The following KCNQ1 variants were observed in gnomAD, a reference collection of about 807,000 sequenced individuals.
The protein encoded by KCNQ1 is potassium voltage-gated channel subfamily Q member 1, also known as potassium voltage-gated channel subfamily KQT member 1.
KCNQ1 carries 49 observed loss-of-function variants against 72.4 expected under a neutral mutation model. The ratio of observed to expected loss-of-function variants is 0.68; its 90% CI spans 0.54 to 0.86. KCNQ1 has a LOEUF of 0.86. Ranked by LOEUF, KCNQ1 falls within the 40% of genes least tolerant of loss-of-function variation. The pLI is 0.00. For missense variants in KCNQ1, 790 were observed against 945.1 expected, an observed-to-expected ratio of 0.84 and a Z score of 2.15; for synonymous variants, 450 against 412.6, an observed-to-expected ratio of 1.09 and a Z score of -1.10.
At position 2,627,070 on chromosome 11, in the gene KCNQ1, C is replaced by T. The variant is rs767127878; in HGVS notation, c.1394-34891C>T. 6 of 398,314 alleles carry T rather than the reference C, an allele frequency of 1.5e-5. No individual in the cohort carries two copies. Among genetic ancestry groups the T allele is most frequent in the Non-Finnish European group, 1.8e-5 (4 of 226,030 alleles). The allele number at this position is 398,314 out of a possible 1,614,324, so 24.7% of individuals were successfully genotyped here. On this transcript the variant is annotated intron_variant, in intron 10 of 15. Coordinates refer to ENST00000155840, the MANE Select transcript of KCNQ1 (RefSeq NM_000218.3). The surrounding 1 kb of genome is among the most constrained non-coding windows in gnomAD (Gnocchi z 4.9). The stretch of plus-strand genomic sequence containing the variant: ...ATCCATGAACATAGGAGGTGTTTTC[C>T]CTTTATGTCTACTTTAATTTCTTTC...
At chr11:2,699,461 G>T in intron 11 of KCNQ1, 2 of 400,166 alleles carry the variant, frequency 5.0e-6, no homozygotes, top group East Asian at 7.4e-5. Context: ...GAGCCGCCGG[G>T]AGAGTGCCGC....
At chr11:2,780,497 G>A (rs1846804442) in intron 15 of KCNQ1, among the ~76,000 whole-genome samples, 1 of 152,174 alleles carries the variant, frequency 6.6e-6, no homozygotes, top group South Asian at 2.1e-4. Flanking sequence ...TTCCCTACCA[G>A]CACCCTCCCC....
intron 3 of KCNQ1, 115 bp from the exon 4 acceptor site, chr11:2,571,210 G>C (rs1848327990): frequency 1.2e-5 from 10 of 851,622 alleles, no homozygotes; most frequent in Non-Finnish European, 2.0e-5. Flanking sequence ...GGTCATCAGG[G>C]CGTGACCCGT....
At chr11:2,838,215 C>A (rs535759718) in intron 15 of KCNQ1, among the ~76,000 whole-genome samples, 1 of 152,250 alleles carries the variant, frequency 6.6e-6, no homozygotes, top group Non-Finnish European at 1.5e-5. Flanking sequence ...ACTGACCTCA[C>A]GTGGCTCACA....
intron 15 of KCNQ1, among the ~76,000 whole-genome samples, chr11:2,796,939 A>G (rs1375288421): frequency 6.6e-6 from 1 of 152,228 alleles, no homozygotes; most frequent in Non-Finnish European, 1.5e-5. Context: ...GTGGAGTGAG[A>G]CTGTGCCTGT....
chr11:2,753,630 C>T (rs769885091), intron 11 of KCNQ1, among the ~76,000 whole-genome samples: 1 of 152,206 alleles, frequency 6.6e-6, no homozygotes, highest in Non-Finnish European at 1.5e-5. Flanking sequence ...TGCAACTTCA[C>T]GACTCTCTAA....
At position 2,830,767 on chromosome 11, in the gene KCNQ1, C is replaced by T. The variant is rs1177676306; in HGVS notation, c.1795-17000C>T. Among the ~76,000 whole-genome samples the T allele has an allele frequency of 6.6e-6, 1 of 152,212 alleles. No homozygotes were observed. Among genetic ancestry groups the T allele is most frequent in the East Asian group, 1.9e-4 (1 of 5,190 alleles). On this transcript the variant is annotated intron_variant, in intron 15 of 15. Coordinates refer to ENST00000155840, the MANE Select transcript of KCNQ1 (RefSeq NM_000218.3). The surrounding 1 kb of genome is among the most constrained non-coding windows in gnomAD (Gnocchi z 7.7). Reference sequence around the variant, plus strand: ...CCCAAGGGCACCCCACGTGTGTGCCCTCCAGCACCCTGGCCACAGAGCCAC... The same window carrying T: ...CCCAAGGGCACCCCACGTGTGTGCCTTCCAGCACCCTGGCCACAGAGCCAC...
At chr11:2,517,885 G>T (rs58672447) in intron 1 of KCNQ1, among the ~76,000 whole-genome samples, 3,714 of 152,316 alleles carry the variant, frequency 0.024, 142 homozygotes, top group African/African-American at 0.085. Context: ...GCGGAACGCT[G>T]CCTCAGTACC....
At position 2,745,037 on chromosome 11, in the gene KCNQ1, C is replaced by A. The variant is rs141486578; in HGVS notation, c.1515-23807C>A. ...AATGGCGGCACCCCAAGACCTGATG[C>A]TCTGGTTTAGAAACGGGTTCTAATG... is the stretch of plus-strand genomic sequence containing the variant. On this transcript the variant is annotated intron_variant, in intron 11 of 15. Coordinates refer to ENST00000155840, the MANE Select transcript of KCNQ1 (RefSeq NM_000218.3). This position sits in a 1 kb window ranked among gnomAD's most constrained non-coding sequence, Gnocchi z 6.2. Among the ~76,000 whole-genome samples the A allele has an allele frequency of 2.7e-3, 417 of 152,306 alleles. 2 individuals carry two copies. The highest frequency in any genetic ancestry group is 5.0e-3 in the Non-Finnish European group (338 of 68,014).
chr11:2,660,897 T>A, intron 10 of KCNQ1: 1 of 398,634 alleles, frequency 2.5e-6, no homozygotes, highest in Non-Finnish European at 4.4e-6. Flanking sequence ...GTCTGAATAA[T>A]TAAGCAGCTT....
chr11:2,833,501 G>T (rs765029395), intron 15 of KCNQ1, among the ~76,000 whole-genome samples: 2 of 152,214 alleles, frequency 1.3e-5, no homozygotes, highest in African/African-American at 4.8e-5. Context: ...CCCCAGGCAC[G>T]TGGACCTGGG....
intron 11 of KCNQ1, chr11:2,672,066 G>C (rs1377849705): frequency 1.3e-5 from 5 of 398,516 alleles, no homozygotes. Flanking sequence ...TCCTCCCCTG[G>C]TCCCTGGTCT....
intron 1 of KCNQ1, among the ~76,000 whole-genome samples, chr11:2,510,415 T>C (rs1847179631): frequency 6.6e-6 from 1 of 152,178 alleles, no homozygotes; most frequent in Non-Finnish European, 1.5e-5. Flanking sequence ...CTGACCTGCC[T>C]GGGCAACATG....
rs1849209432 is a variant in KCNQ1, at chr11:2,623,527, G to T, written c.1393+34673G>T. On this transcript the variant is annotated intron_variant, in intron 10 of 15. Coordinates refer to ENST00000155840, the MANE Select transcript of KCNQ1 (RefSeq NM_000218.3). This position sits in a 1 kb window ranked among gnomAD's most constrained non-coding sequence, Gnocchi z 5.2. ...TATGATTGGAATCATACAGTATGTA[G>T]TTTCTTCAGATTGCCTTATTTCACA... 2.5e-6 allele frequency: 1 copy of T among 398,534 alleles called. No individual in the cohort carries two copies. 24.7% of individuals were successfully genotyped at this position (398,534 alleles called of 1,614,324 possible).
intron 15 of KCNQ1, chr11:2,840,189 A>G (rs1214828801): frequency 6.6e-6 from 1 of 152,286 alleles, no homozygotes; most frequent in African/African-American, 2.4e-5. Flanking sequence ...AGGAAGAGAA[A>G]AGATATTCAT....
intron 11 of KCNQ1, among the ~76,000 whole-genome samples, chr11:2,726,223 G>A (rs1034720886): frequency 1.2e-4 from 18 of 152,256 alleles, no homozygotes; most frequent in Admixed American, 2.0e-4. Context: ...GCCCAGAGAA[G>A]CTGAGCTCGC....
At chr11:2,667,603 C>T (rs774413448) in intron 11 of KCNQ1, 4 of 398,284 alleles carry the variant, frequency 1.0e-5, no homozygotes, top group Non-Finnish European at 1.8e-5. Flanking sequence ...GGGCGGGGGG[C>T]ACATCCCATA....
intron 15 of KCNQ1, among the ~76,000 whole-genome samples, chr11:2,834,459 C>T (rs1848020358): frequency 6.6e-6 from 1 of 152,186 alleles, no homozygotes; most frequent in Non-Finnish European, 1.5e-5. Flanking sequence ...CCTCCAGGCA[C>T]AGCATCCACT....
Position 2,670,788 on chromosome 11 carries a change from T to C in KCNQ1, c.1514+8707T>C. On this transcript the variant is annotated intron_variant, in intron 11 of 15. Coordinates refer to ENST00000155840, the MANE Select transcript of KCNQ1 (RefSeq NM_000218.3). This position sits in a 1 kb window ranked among gnomAD's most constrained non-coding sequence, Gnocchi z 4.9. Reference sequence around the variant, plus strand: ...TTGTGGCTGCCCTCTGCAATAAGAATTCTTCAAGTTCAGCCTCTATGTGCA... The same window carrying C: ...TTGTGGCTGCCCTCTGCAATAAGAACTCTTCAAGTTCAGCCTCTATGTGCA... 2 of 398,522 alleles carry C rather than the reference T, an allele frequency of 5.0e-6. No individual in the cohort carries two copies. The highest frequency in any genetic ancestry group is 7.1e-5 in the East Asian group (2 of 28,068). 24.7% of individuals were successfully genotyped at this position (398,522 alleles called of 1,614,324 possible).
Sources: gnomAD v4.1 joint callset for allele counts (sites outside exome capture counted in the v4.1 genomes callset) on GRCh38, gnomAD v4.1.1 for gene constraint, Gnocchi (gnomAD v3.1) non-coding constraint, MANE v1.5 for transcripts, NCBI Gene and HGNC (gene_info 2026-07-23, HGNC 2026-07-21) for gene names.